Variants in USP26 observed in about 807,000 individuals in gnomAD.
USP26 encodes the protein ubiquitin specific peptidase 26.
For synonymous variants in USP26, 236 were observed against 240.6 expected (o/e 0.98, Z 0.18); for missense variants, 649 against 642.3 (o/e 1.01, Z -0.11).
chrX:133,072,446 T>C (rs2067533495), intron 5 of USP26, among the ~76,000 whole-genome samples: 1 of 112,569 alleles, frequency 8.9e-6, no homozygotes. Flanking sequence ...ATAGGACCTC[T>C]ATAAAGTCCT....
At position 133,026,109 on chromosome X, in the gene USP26, G is replaced by A; in HGVS notation, c.2112C>T (p.Thr704=). Residue 704 remains threonine (T), a synonymous_variant, in exon 6 of 6, where the codon ACC becomes ACT. Coordinates refer to ENST00000511190, the MANE Select transcript of USP26 (RefSeq NM_031907.3). The part of the protein sequence containing the change: ...ENPKRKKYVK[T]SKFVAFDRII... ...TCCTATCAAAAGCTACAAACTTACT[G>A]GTTTTCACATATTTCTTTCGTTTTG... 8.3e-7 allele frequency: 1 copy of A among 1,210,446 alleles called. No homozygotes were observed. Among genetic ancestry groups the A allele is most frequent in the Non-Finnish European group, 1.1e-6 (1 of 894,959 alleles).
intron 5 of USP26, among the ~76,000 whole-genome samples, chrX:133,064,142 A>G (rs1440901875): frequency 8.9e-6 from 1 of 112,437 alleles, no homozygotes; most frequent in Non-Finnish European, 1.9e-5. Flanking sequence ...AGGGAATTAC[A>G]TAATGGTAAA....
chrX:133,053,168 A>AT (rs1180931676), intron 5 of USP26, among the ~76,000 whole-genome samples: 15 of 112,094 alleles, frequency 1.3e-4, no homozygotes, highest in African/African-American at 4.9e-4. Flanking sequence ...AGCCCATGAC[A>AT]TAAGTATAAT....
At chrX:133,054,920 T>A (rs762320610) in intron 5 of USP26, among the ~76,000 whole-genome samples, 146 of 112,209 alleles carry the variant, frequency 1.3e-3, no homozygotes, top group African/African-American at 4.5e-3. Context: ...AGCTTAAAGA[T>A]CTATTGTAGT....
At chrX:133,084,217 T>C (rs1491002793) in intron 4 of USP26, among the ~76,000 whole-genome samples, 1 of 111,899 alleles carries the variant, frequency 8.9e-6, no homozygotes, top group East Asian at 2.8e-4. Flanking sequence ...TGTTTATTTA[T>C]TTATTTAGTG....
rs1185219167 is a variant in USP26, at chrX:133,049,832, A to G, written c.-76-21536T>C. On this transcript the variant is annotated intron_variant, in intron 5 of 5. Coordinates refer to ENST00000511190, the MANE Select transcript of USP26 (RefSeq NM_031907.3). ...CTCTGAAATACTTTCACCTCTAGCTATAGCCACAAGGTGATTAATGATGTC... is the reference window on the plus strand; with the variant it reads ...CTCTGAAATACTTTCACCTCTAGCTGTAGCCACAAGGTGATTAATGATGTC... Among the ~76,000 whole-genome samples the G allele has an allele frequency of 2.7e-5, 3 of 112,265 alleles. No individual in the cohort carries two copies. The East Asian group carries it at 8.4e-4, about 31-fold the overall frequency.
chrX:133,072,702 T>C, intron 5 of USP26, among the ~76,000 whole-genome samples: 1 of 112,660 alleles, frequency 8.9e-6, no homozygotes, highest in Middle Eastern at 4.6e-3. Flanking sequence ...ACACTTTAAA[T>C]GACATTTGCA....
intron 5 of USP26, among the ~76,000 whole-genome samples, chrX:133,058,210 C>T (rs1602980188): frequency 9.2e-6 from 1 of 109,248 alleles, no homozygotes; most frequent in Non-Finnish European, 1.9e-5. Flanking sequence ...TGGACCAGAA[C>T]CTGTTCTATA....
chrX:133,042,425 C>T (rs1320846262), intron 5 of USP26, among the ~76,000 whole-genome samples: 6 of 111,458 alleles, frequency 5.4e-5, no homozygotes, highest in Admixed American at 9.5e-5. Flanking sequence ...CAGTCCCTCC[C>T]GCCTTCCCTT....
intron 4 of USP26, among the ~76,000 whole-genome samples, chrX:133,085,428 G>T (rs373480030): frequency 3.8e-4 from 42 of 111,869 alleles, no homozygotes; most frequent in African/African-American, 1.3e-3. Context: ...ATATGAACAG[G>T]ACATAGAAAG....
rs779131148 is a variant in USP26 at position 133,096,047 on chromosome X, A to ATTTTTTT, written c.-393+976_-393+982dup. Among the ~76,000 whole-genome samples, 100 of 36,543 alleles carry ATTTTTTT rather than the reference A, an allele frequency of 2.7e-3. 6 individuals carry two copies. The highest frequency in any genetic ancestry group is 4.7e-3 in the African/African-American group (38 of 8,172). The allele number at this position is 36,543 out of a possible 115,157, so 31.7% of individuals were successfully genotyped here. A position where few individuals can be genotyped will look rare whatever the true frequency, so the allele number is the denominator to read the frequency against. ...GGCATGAGCCACGGCGCCCGGCCTA[A>ATTTTTTT]TTTTTTTTTTTTTTTTTTTTTTTTT... is the stretch of plus-strand genomic sequence containing the variant. On this transcript the variant is annotated intron_variant, in intron 1 of 5. Transcript: ENST00000511190.
At chrX:133,041,017 T>G (rs1187665004) in intron 5 of USP26, among the ~76,000 whole-genome samples, 1 of 110,130 alleles carries the variant, frequency 9.1e-6, no homozygotes, top group African/African-American at 3.3e-5. Context: ...TTCACGAAGT[T>G]CTGCCGTGTT....
intron 5 of USP26, among the ~76,000 whole-genome samples, chrX:133,040,518 C>T (rs2067414976): frequency 9.0e-6 from 1 of 111,525 alleles, no homozygotes; most frequent in Admixed American, 9.5e-5. Context: ...GAATATTGGC[C>T]CCTACTCTTT....
intron 5 of USP26, among the ~76,000 whole-genome samples, chrX:133,042,941 G>GA (rs890670735): frequency 2.0e-4 from 21 of 104,223 alleles, no homozygotes; most frequent in East Asian, 6.0e-4. Context: ...GTTAGGAAAG[G>GA]AAAAAAAAAA....
In USP26 at chrX:133,025,209, A is replaced by G; in HGVS notation, c.*270T>C. On this transcript the variant is annotated 3_prime_UTR_variant, in exon 6 of 6. Coordinates refer to ENST00000511190, the MANE Select transcript of USP26 (RefSeq NM_031907.3). ...ACTCTAGCCAGGATGACAGAGCAAG[A>G]CCCTGACTATATTAAAATGAAGAAG... The G allele has an allele frequency of 2.7e-6, 1 of 369,496 alleles. No individual in the cohort carries two copies. The highest frequency in any genetic ancestry group is 4.7e-6 in the Non-Finnish European group (1 of 211,308). 30.5% of individuals were successfully genotyped at this position (369,496 alleles called of 1,213,427 possible). A position where few individuals can be genotyped will look rare whatever the true frequency, so the allele number is the denominator to read the frequency against.
intron 4 of USP26, among the ~76,000 whole-genome samples, chrX:133,086,084 C>T (rs2067587555): frequency 9.0e-6 from 1 of 111,212 alleles, no homozygotes; most frequent in Non-Finnish European, 1.9e-5. Flanking sequence ...CCACCTGTGA[C>T]CGCTTGAAAC....
At chrX:133,032,071 C>T (rs2067378951) in intron 5 of USP26, among the ~76,000 whole-genome samples, 1 of 111,367 alleles carries the variant, frequency 9.0e-6, no homozygotes, top group Admixed American at 9.6e-5. Flanking sequence ...ATCACTTGAA[C>T]CTGGGAAACG....
At chrX:133,033,936 A>G (rs185061522) in intron 5 of USP26, among the ~76,000 whole-genome samples, 74 of 111,821 alleles carry the variant, frequency 6.6e-4, no homozygotes, top group African/African-American at 2.3e-3. Flanking sequence ...AAGTCCATGT[A>G]TTTTCTGCTA....
chrX:133,074,373 G>T (rs761000656), intron 5 of USP26, among the ~76,000 whole-genome samples: 6 of 112,031 alleles, frequency 5.4e-5, no homozygotes, highest in Admixed American at 9.5e-5. Context: ...TATGTACCCT[G>T]TGCTTTTTTC....
Sources: allele counts gnomAD v4.1 joint callset (sites outside exome capture counted in the v4.1 genomes callset), GRCh38; gene constraint gnomAD v4.1.1; transcripts MANE v1.5; gene names NCBI Gene and HGNC (gene_info 2026-07-23, HGNC 2026-07-21).